RBBP8NL: variants seen among roughly 807,000 people sequenced by gnomAD.
RBBP8NL encodes RBBP8 N-terminal like, also known as RBBP8 N-terminal-like protein.
RBBP8NL carries 59 observed loss-of-function variants against 62.2 expected under a neutral mutation model. That is an observed-to-expected ratio of 0.95 (90% CI 0.77 to 1.18). The LOEUF is 1.18. Among genes scored for constraint, RBBP8NL ranks in the 50% most tolerant of loss-of-function variants. The pLI, the probability that RBBP8NL is intolerant of heterozygous loss-of-function variation, is 0.00. For missense variants in RBBP8NL, 896 were observed against 899.5 expected (o/e 1.00, Z 0.05); for synonymous variants, 412 against 394.1 (o/e 1.05, Z -0.54).
chr20:62,415,610 C>T lies in RBBP8NL; in HGVS notation c.595G>A (p.Ala199Thr), dbSNP rs1988544289. 2 of 1,612,884 alleles carry T rather than the reference C, an allele frequency of 1.2e-6. No homozygotes were observed. The highest frequency in any genetic ancestry group is 1.3e-5 in the African/African-American group (1 of 75,048). Residue 199 changes from alanine (A) to threonine (T), a missense_variant, in exon 8 of 14, where the codon GCC (alanine) becomes ACC (threonine). By Grantham distance (58) the Ala-to-Thr change is moderately conservative. Coordinates refer to ENST00000252998, the MANE Select transcript of RBBP8NL (RefSeq NM_080833.3). ...GGGGCTCGCGACTCAGGCAGGGTGG[C>T]CCCTGGGGAGATTTTGGCCACTGGA... ...TSPVAKISPGATLPESRAPDM... is the reference protein window; with the variant it reads ...TSPVAKISPGTTLPESRAPDM...
rs369336350 is a variant in RBBP8NL at position 62,417,283 on chromosome 20, G to A, written c.141C>T (p.Asn47=). 49 of 1,605,424 alleles carry A rather than the reference G, an allele frequency of 3.1e-5. No homozygotes were observed. Among genetic ancestry groups the A allele is most frequent in the Non-Finnish European group, 4.0e-5 (47 of 1,176,252 alleles). ...TCTTCTGCTGTTCCCGGAGCTGGTG[G>A]TTCTTGGAGAAGAGCTCCTCGATCC... ...AQRIEELFSK[N]HQLREQQKTL... Residue 47 remains asparagine (N), a synonymous_variant, in exon 4 of 14, where the codon AAC becomes AAT. Coordinates refer to ENST00000252998, the MANE Select transcript of RBBP8NL (RefSeq NM_080833.3).
intron 4 of RBBP8NL, 69 bp from the exon 5 acceptor site, chr20:62,416,941 TG>T: frequency 8.3e-7 from 1 of 1,209,052 alleles, no homozygotes; most frequent in Non-Finnish European, 1.2e-6. Flanking sequence ...GGACACTCAC[TG>T]CCCCACTGCT....
At chr20:62,423,508 C>G (rs1988749512) in intron 1 of RBBP8NL, among the ~76,000 whole-genome samples, 1 of 152,202 alleles carries the variant, frequency 6.6e-6, no homozygotes, top group African/African-American at 2.4e-5. Context: ...GAAACTCCCC[C>G]CAGACCCGCC....
At chr20:62,422,392 G>T (rs1018169725) in intron 1 of RBBP8NL, among the ~76,000 whole-genome samples, 2 of 151,754 alleles carry the variant, frequency 1.3e-5, no homozygotes, top group Admixed American at 6.5e-5. Flanking sequence ...AGCCAGGCTT[G>T]AGGGTGCATT....
chr20:62,423,446 C>T (rs1449375039), intron 1 of RBBP8NL, among the ~76,000 whole-genome samples: 2 of 152,188 alleles, frequency 1.3e-5, no homozygotes, highest in Admixed American at 1.3e-4. Flanking sequence ...CCGGGGCCTC[C>T]CTGGGCTCAA....
chr20:62,415,071 A>G, intron 9 of RBBP8NL, 50 bp downstream of exon 9: 1 of 1,420,288 alleles, frequency 7.0e-7, no homozygotes, highest in Non-Finnish European at 9.3e-7. Context: ...AGGGGCTGAG[A>G]GAAGAGCTCA....
chr20:62,410,799 G>T lies in RBBP8NL; in HGVS notation c.*79C>A. 1.1e-6 allele frequency: 1 copy of T among 937,082 alleles called. No individual in the cohort carries two copies. The highest frequency in any genetic ancestry group is 1.7e-6 in the Non-Finnish European group (1 of 594,704). The allele number at this position is 937,082 out of a possible 1,614,324, so 58.0% of individuals were successfully genotyped here. ...TTCTGTGCAGGGCTGCCTGCTGGTT[G>T]GATGGTGTGCCCTCTCCAGGCCCTG... is the stretch of plus-strand genomic sequence containing the variant. On this transcript the variant is annotated 3_prime_UTR_variant, in exon 14 of 14. Coordinates refer to ENST00000252998, the MANE Select transcript of RBBP8NL (RefSeq NM_080833.3).
At position 62,422,761 on chromosome 20, in the gene RBBP8NL, C is replaced by T. The variant is rs151150089; in HGVS notation, c.-83-3031G>A. 2.3e-3 allele frequency among the ~76,000 whole-genome samples: 345 copies of T among 151,950 alleles called. 2 individuals are homozygous for T. Among genetic ancestry groups the T allele is most frequent in the African/African-American group, 7.8e-3 (321 of 41,334 alleles). Reference sequence around the variant, plus strand: ...TGCACCTGTGATCAAGCATTAGTGCCGAGCCTGGTGGGGCAGCAAGGGGTG... The same window carrying T: ...TGCACCTGTGATCAAGCATTAGTGCTGAGCCTGGTGGGGCAGCAAGGGGTG... On this transcript the variant is annotated intron_variant, in intron 1 of 13. Transcript: ENST00000252998.
In RBBP8NL at chr20:62,418,407, G is replaced by C. The variant is rs151097602; in HGVS notation, c.104+16C>G. ...TGTGGTCCCTGTGAGGAGGGGCCCT[G>C]CTTGGCCTGACTCACCGGCACCTCT... On this transcript the variant is annotated intron_variant, in intron 3 of 13. Coordinates refer to ENST00000252998, the MANE Select transcript of RBBP8NL (RefSeq NM_080833.3). The C allele has an allele frequency of 8.4e-5, 130 of 1,550,222 alleles. No homozygotes were observed. The East Asian group carries it at 2.2e-3, about 26-fold the overall frequency.
At chr20:62,420,604 G>A (rs1016858927) in intron 1 of RBBP8NL, among the ~76,000 whole-genome samples, 1 of 152,150 alleles carries the variant, frequency 6.6e-6, no homozygotes, top group Non-Finnish European at 1.5e-5. Flanking sequence ...ATAGACATGG[G>A]TATACGCAGA....
At chr20:62,423,167 G>A (rs1204593308) in intron 1 of RBBP8NL, among the ~76,000 whole-genome samples, 2 of 152,134 alleles carry the variant, frequency 1.3e-5, no homozygotes, top group African/African-American at 4.8e-5. Flanking sequence ...CCCGAACTCC[G>A]TACACACTGA....
chr20:62,426,731 C>T (rs1988817127), intron 1 of RBBP8NL, among the ~76,000 whole-genome samples: 1 of 152,372 alleles, frequency 6.6e-6, no homozygotes, highest in African/African-American at 2.4e-5. Context: ...CCGCAGGGCC[C>T]CCGGGACAGC....
chr20:62,419,688 T>C lies in RBBP8NL; in HGVS notation c.-41A>G. The C allele has an allele frequency of 6.2e-7, 1 of 1,605,110 alleles. No individual in the cohort carries two copies. Among genetic ancestry groups the C allele is most frequent in the South Asian group, 1.1e-5 (1 of 90,942 alleles). On this transcript the variant is annotated 5_prime_UTR_variant, in exon 2 of 14. Transcript: ENST00000252998. ...TGGCCCGGGCCCCTCTGCGCTGGGG[T>C]TGTGGAGACGCCTGCAGCCTCTACT...
chr20:62,425,772 C>T (rs966999120), intron 1 of RBBP8NL, among the ~76,000 whole-genome samples: 5 of 152,258 alleles, frequency 3.3e-5, no homozygotes, highest in African/African-American at 9.6e-5. Flanking sequence ...GGCAGGAGTG[C>T]GGAGCTGGAC....
Position 62,413,491 on chromosome 20 carries a change from T to C in RBBP8NL, c.1585A>G (p.Thr529Ala). ...SQLSLSSPGS[T>A]EDEDTGRPLP... is the part of the protein sequence containing the mutation. ...GGCCTCCCTGTGTCTTCATCTTCTG[T>C]ACTGCCTGGAGAGGACAGGCTGAGC... is the stretch of plus-strand genomic sequence containing the variant. Residue 529 changes from threonine to alanine, a missense_variant, in exon 11 of 14, where the codon ACA (threonine) becomes GCA (alanine). Physicochemically the swap from Thr to Ala is moderately conservative, Grantham distance 58. Transcript: ENST00000252998. The C allele has an allele frequency of 6.6e-7, 1 of 1,509,686 alleles. No homozygotes were observed. 93.5% of individuals were successfully genotyped at this position (1,509,686 alleles called of 1,614,324 possible). A position where few individuals can be genotyped will look rare whatever the true frequency, so the allele number is the denominator to read the frequency against.
At chr20:62,413,628 C>T in intron 10 of RBBP8NL, 83 bp from the exon 11 acceptor site, 1 of 1,462,290 alleles carries the variant, frequency 6.8e-7, no homozygotes, top group Admixed American at 2.5e-5. Flanking sequence ...CGGTGGGACC[C>T]CTCTTGAGGC....
intron 9 of RBBP8NL, 108 bp downstream of exon 9, chr20:62,415,013 G>C: frequency 8.1e-7 from 1 of 1,227,840 alleles, no homozygotes. Flanking sequence ...AGCCAAGCCA[G>C]AGAAGTTCAG....
intron 1 of RBBP8NL, among the ~76,000 whole-genome samples, chr20:62,419,948 G>C (rs1569026645): frequency 6.6e-6 from 1 of 152,222 alleles, no homozygotes; most frequent in African/African-American, 2.4e-5. Context: ...GTGGCCGGGG[G>C]CCAGAGGGCA....
Position 62,412,691 on chromosome 20 carries a change from G to C in RBBP8NL, c.1809C>G (p.Ile603Met). Residue 603 changes from isoleucine to methionine, a missense_variant, in exon 13 of 14, where the codon ATC becomes ATG. By Grantham distance (10) the Ile-to-Met change is conservative (BLOSUM62 1). Transcript: ENST00000252998. ...GACCCTGCCCGTGCTCCTGGGTGCA[G>C]ATGCACTCAGGCCCCTCCCCGGTCG... ...TSTTGEGPECICTQEHGQGPP... is the reference protein window; with the variant it reads ...TSTTGEGPECMCTQEHGQGPP... The C allele has an allele frequency of 6.2e-7, 1 of 1,609,302 alleles. No homozygotes were observed. Among genetic ancestry groups the C allele is most frequent in the Non-Finnish European group, 8.5e-7 (1 of 1,179,854 alleles).
Sources: gnomAD v4.1 joint callset for allele counts (sites outside exome capture counted in the v4.1 genomes callset) on GRCh38, gnomAD v4.1.1 for gene constraint, MANE v1.5 for transcripts, NCBI Gene and HGNC (gene_info 2026-07-23, HGNC 2026-07-21) for gene names.